ATP6V1C1: variants seen among roughly 807,000 people sequenced by gnomAD.
ATP6V1C1 encodes the protein V-type proton ATPase subunit C 1.
ATP6V1C1 carries 45 observed loss-of-function variants against 53.9 expected under a neutral mutation model. The observed-to-expected ratio is 0.83, with a 90% CI of 0.66 to 1.07. The LOEUF (loss-of-function observed/expected upper bound fraction) is 1.07, where lower values mean the gene tolerates loss of function less well. Among genes scored for constraint, ATP6V1C1 ranks in the 50% least tolerant of loss-of-function variants. The probability of loss-of-function intolerance (pLI) is 0.00; values close to 1 mark genes in which losing one functional copy is unlikely to be tolerated. For missense variants in ATP6V1C1, 315 were observed against 440.3 expected (o/e 0.72, Z 2.55); for synonymous variants, 153 against 155.2 (o/e 0.99, Z 0.11).
chr8:103,042,266 G>T, intron 2 of ATP6V1C1, 74 bp from the exon 3 acceptor site: 1 of 1,410,844 alleles, frequency 7.1e-7, no homozygotes. Context: ...GAGAACTTTA[G>T]GTCAAGATGA....
intron 8 of ATP6V1C1, among the ~76,000 whole-genome samples, chr8:103,061,290 T>C (rs550115828): frequency 1.3e-5 from 2 of 152,330 alleles, no homozygotes; most frequent in East Asian, 3.9e-4. Flanking sequence ...CTGCTGGTCA[T>C]ACACTAGGGA....
At chr8:103,063,258 G>A in intron 10 of ATP6V1C1, 30 bp downstream of exon 10, 4 of 1,383,242 alleles carry the variant, frequency 2.9e-6, no homozygotes, top group South Asian at 1.3e-5. Context: ...AGTATTATCA[G>A]TACTAAGCAG....
intron 3 of ATP6V1C1, among the ~76,000 whole-genome samples, chr8:103,046,284 G>T (rs1817095416): frequency 6.6e-6 from 1 of 151,874 alleles, no homozygotes; most frequent in South Asian, 2.1e-4. Context: ...ATAGCTCATT[G>T]CATCCTGGAA....
intron 1 of ATP6V1C1, among the ~76,000 whole-genome samples, chr8:103,032,953 G>A (rs895097259): frequency 5.3e-5 from 8 of 152,174 alleles, no homozygotes; most frequent in African/African-American, 1.9e-4. Context: ...TCATCAACTG[G>A]TGAATGTATG....
At chr8:103,065,148 A>G (rs1276084738) in intron 11 of ATP6V1C1, among the ~76,000 whole-genome samples, 4 of 152,250 alleles carry the variant, frequency 2.6e-5, no homozygotes, top group African/African-American at 9.6e-5. Context: ...TAGTATGCTA[A>G]TGACTTATTG....
chr8:103,056,619 T>G (rs752119154), intron 8 of ATP6V1C1, among the ~76,000 whole-genome samples: 1 of 152,134 alleles, frequency 6.6e-6, no homozygotes, highest in Non-Finnish European at 1.5e-5. Flanking sequence ...AATGGCAGAG[T>G]TAGGGCTAGA....
At chr8:103,026,294 A>T (rs1331790078) in intron 1 of ATP6V1C1, among the ~76,000 whole-genome samples, 5 of 152,224 alleles carry the variant, frequency 3.3e-5, no homozygotes, top group Admixed American at 6.5e-5. Flanking sequence ...TGTGATAGGT[A>T]TCTGTGTGAA....
Position 103,063,140 on chromosome 8 carries a change from T to G in ATP6V1C1, c.740T>G (p.Ile247Ser). 6.2e-7 allele frequency: 1 copy of G among 1,613,180 alleles called. No individual in the cohort carries two copies. The change falls in exon 10 of 13, where the codon ATT (isoleucine) becomes AGT (serine). Residue 247 changes from isoleucine (I) to serine (S), a missense_variant. By Grantham distance (142) the Ile-to-Ser change is moderately radical. Transcript: ENST00000518738. ...FRHKARENKF[I>S]VRDFQYNEEE... ...TTTTTTTCCCCCAAATTTAGATTCA[T>G]TGTTCGTGACTTCCAGTATAATGAA... is the stretch of plus-strand genomic sequence containing the variant.
At chr8:103,049,695 G>A (rs62525314) in intron 4 of ATP6V1C1, among the ~76,000 whole-genome samples, 11,099 of 152,242 alleles carry the variant, frequency 0.073, 490 homozygotes, top group East Asian at 0.13. Flanking sequence ...CCAGCACATT[G>A]GGAGGCTGTG....
At chr8:103,041,928 C>T (rs1010574479) in intron 2 of ATP6V1C1, among the ~76,000 whole-genome samples, 2 of 152,142 alleles carry the variant, frequency 1.3e-5, no homozygotes, top group African/African-American at 4.8e-5. Context: ...TTTGGAGTTA[C>T]GGATACCTTT....
chr8:103,033,657 CATATA>C (rs1816837647), intron 1 of ATP6V1C1, among the ~76,000 whole-genome samples: 2 of 152,154 alleles, frequency 1.3e-5, no homozygotes. Flanking sequence ...TCATCCTTAG[CATATA>C]ATATATGCTG....
chr8:103,044,849 C>A (rs1264138637), intron 3 of ATP6V1C1, among the ~76,000 whole-genome samples: 1 of 152,044 alleles, frequency 6.6e-6, no homozygotes, highest in Non-Finnish European at 1.5e-5. Flanking sequence ...TGTCTTTATC[C>A]ATGAACATCG....
chr8:103,051,936 A>G (rs1009630364), intron 5 of ATP6V1C1, among the ~76,000 whole-genome samples: 6 of 152,130 alleles, frequency 3.9e-5, no homozygotes, highest in African/African-American at 1.4e-4. Flanking sequence ...GGTGTGCTGT[A>G]TAGTTAAATG....
chr8:103,059,085 A>G (rs944049565), intron 8 of ATP6V1C1, among the ~76,000 whole-genome samples: 1 of 152,072 alleles, frequency 6.6e-6, no homozygotes, highest in Non-Finnish European at 1.5e-5. Flanking sequence ...CAACATCACA[A>G]ACTCATGGAT....
At chr8:103,041,507 T>C (rs1017333823) in intron 2 of ATP6V1C1, among the ~76,000 whole-genome samples, 1 of 151,486 alleles carries the variant, frequency 6.6e-6, no homozygotes, top group Non-Finnish European at 1.5e-5. Flanking sequence ...GAAAAGATCA[T>C]GATACTGACA....
chr8:103,063,113 G>GT lies in ATP6V1C1; in HGVS notation c.735-14dup, dbSNP rs532272873. On this transcript the variant is annotated intron_variant, in intron 9 of 12. Coordinates refer to ENST00000518738, the MANE Select transcript of ATP6V1C1 (RefSeq NM_001695.5). Reference sequence around the variant, plus strand: ...AGCTGTATACAATGTGAACAATTTTGTTTTTTTTCCCCCAAATTTAGATTC... The same window carrying GT: ...AGCTGTATACAATGTGAACAATTTTGTTTTTTTTTCCCCCAAATTTAGATTC... The GT allele has an allele frequency of 6.6e-4, 1,063 of 1,606,824 alleles. 8 individuals carry two copies. In the African/African-American group the frequency reaches 0.012, roughly 18 times the overall value.
intron 12 of ATP6V1C1, among the ~76,000 whole-genome samples, chr8:103,068,094 C>T (rs1005827702): frequency 1.3e-5 from 2 of 152,316 alleles, no homozygotes; most frequent in Admixed American, 1.3e-4. Flanking sequence ...ATCCTCCCAC[C>T]TCAGCCTTCC....
At chr8:103,059,458 A>G (rs1193584603) in intron 8 of ATP6V1C1, among the ~76,000 whole-genome samples, 2 of 151,880 alleles carry the variant, frequency 1.3e-5, no homozygotes, top group Non-Finnish European at 2.9e-5. Flanking sequence ...CTGCCCAGTG[A>G]TCCAAACCGC....
At chr8:103,022,869 T>G (rs1210278982) in intron 1 of ATP6V1C1, among the ~76,000 whole-genome samples, 48 of 151,742 alleles carry the variant, frequency 3.2e-4, no homozygotes, top group Non-Finnish European at 2.9e-5. Context: ...GGCAACATAG[T>G]GAGACCACCG....
Sources: allele counts gnomAD v4.1 joint callset (sites outside exome capture counted in the v4.1 genomes callset), GRCh38; gene constraint gnomAD v4.1.1; transcripts MANE v1.5; gene names NCBI Gene and HGNC (gene_info 2026-07-23, HGNC 2026-07-21).